The following OTOP1 variants were observed in gnomAD, a reference collection of about 807,000 sequenced individuals.
OTOP1 encodes the protein otopetrin 1.
Under a neutral mutation model 52.9 loss-of-function variants are expected in OTOP1, and 59 were observed. The observed-to-expected ratio is 1.12, with a 90% confidence interval of 0.91 to 1.39. The LOEUF (loss-of-function observed/expected upper bound fraction) is 1.39, where lower values mean the gene tolerates loss of function less well. Among genes scored for constraint, OTOP1 ranks in the 40% most tolerant of loss-of-function variants. The pLI is 0.00. For missense variants in OTOP1, 761 were observed against 800.9 expected, an observed-to-expected ratio of 0.95 and a Z score of 0.60; for synonymous variants, 317 against 337.7, an observed-to-expected ratio of 0.94 and a Z score of 0.67.
intron 3 of OTOP1, 52 bp downstream of exon 3, chr4:4,206,020 T>G: frequency 6.7e-7 from 1 of 1,495,792 alleles, no homozygotes; most frequent in Non-Finnish European, 9.3e-7. Context: ...GTTTTGAAAA[T>G]TCTAAATGAA....
At position 4,212,927 on chromosome 4, in the gene OTOP1, A is replaced by C. The variant is rs750774194; in HGVS notation, c.481T>G (p.Cys161Gly). 86 of 1,614,048 alleles carry C rather than the reference A, an allele frequency of 5.3e-5. 1 individual carries two copies. In the South Asian group the frequency reaches 9.3e-4, roughly 18 times the overall value. The part of the protein sequence containing the change: ...KIGYFIGFSE[C>G]LSATEGVFPV... ...AAAACTCCTTCAGTGGCTGATAAACATTCTGAAAATCCAATGAAGTATCCA... is the reference window on the plus strand; with the variant it reads ...AAAACTCCTTCAGTGGCTGATAAACCTTCTGAAAATCCAATGAAGTATCCA... The change falls in exon 2 of 6, where the codon TGT (cysteine) becomes GGT (glycine). Residue 161 changes from cysteine (C) to glycine (G), a missense_variant. This residue lies in a region of OTOP1 where 632 missense variants were observed against 619.5 expected (regional missense o/e 1.02). Transcript: ENST00000296358.
chr4:4,226,452 C>T lies in OTOP1; in HGVS notation c.403+10G>A, dbSNP rs1455190657. 2 of 1,465,718 alleles carry T rather than the reference C, an allele frequency of 1.4e-6. No individual in the cohort carries two copies. The highest frequency in any genetic ancestry group is 1.5e-5 in the African/African-American group (1 of 68,478). 90.8% of individuals were successfully genotyped at this position (1,465,718 alleles called of 1,614,324 possible). On this transcript the variant is annotated intron_variant, in intron 1 of 5. Coordinates refer to ENST00000296358, the MANE Select transcript of OTOP1 (RefSeq NM_177998.3). ...AGGCGGAGACCCGCTCGCCCGGCGC[C>T]TGGACTCACCGCGCAGCCAGCCGGC...
chr4:4,210,702 G>A (rs1029213735), intron 2 of OTOP1, among the ~76,000 whole-genome samples: 35 of 152,124 alleles, frequency 2.3e-4, no homozygotes, highest in African/African-American at 8.2e-4. Flanking sequence ...ATGGTGGCAG[G>A]TGTCTGTCAT....
At chr4:4,203,769 C>G (rs1349543262) in intron 3 of OTOP1, among the ~76,000 whole-genome samples, 1 of 152,210 alleles carries the variant, frequency 6.6e-6, no homozygotes, top group Non-Finnish European at 1.5e-5. Context: ...TTAAAACTTT[C>G]TATGGAATTG....
At chr4:4,223,489 T>C (rs1717348015) in intron 1 of OTOP1, among the ~76,000 whole-genome samples, 1 of 152,078 alleles carries the variant, frequency 6.6e-6, no homozygotes, top group South Asian at 2.1e-4. Flanking sequence ...AAGAGGATGA[T>C]GGTTCTAGGA....
At chr4:4,213,108 T>C in intron 1 of OTOP1, 104 bp from the exon 2 acceptor site, 1 of 1,380,386 alleles carries the variant, frequency 7.2e-7, no homozygotes, top group South Asian at 1.4e-5. Context: ...CTTATGTATA[T>C]GGTCAAATGA....
intron 5 of OTOP1, among the ~76,000 whole-genome samples, chr4:4,190,657 G>T (rs1716481491): frequency 6.6e-6 from 1 of 152,114 alleles, no homozygotes; most frequent in Non-Finnish European, 1.5e-5. Flanking sequence ...GGGAGGATGG[G>T]TAGGTTACAT....
chr4:4,205,450 G>C (rs1716881666), intron 3 of OTOP1, among the ~76,000 whole-genome samples: 1 of 152,340 alleles, frequency 6.6e-6, no homozygotes, highest in South Asian at 2.1e-4. Context: ...TACAGAAAGA[G>C]ATGTGAGTTT....
At chr4:4,223,444 T>TAGTG (rs1553853843) in intron 1 of OTOP1, among the ~76,000 whole-genome samples, 252 of 137,290 alleles carry the variant, frequency 1.8e-3, no homozygotes, top group African/African-American at 7.0e-3. Context: ...GATGGATGGA[T>TAGTG]GATGAATAAG....
rs113547794 is a variant in OTOP1, at chr4:4,209,814, G to A, written c.540+3054C>T. On this transcript the variant is annotated intron_variant, in intron 2 of 5. Transcript: ENST00000296358. Reference sequence around the variant, plus strand: ...TGACCAGAGTGCAAGCTTACAAGCCGTACACCAAACAGGGATCCAGCCTGT... The same window carrying A: ...TGACCAGAGTGCAAGCTTACAAGCCATACACCAAACAGGGATCCAGCCTGT... 6.9e-3 allele frequency among the ~76,000 whole-genome samples: 1,057 copies of A among 152,232 alleles called. 6 individuals are homozygous for A. The highest frequency in any genetic ancestry group is 0.024 in the African/African-American group (1,012 of 41,542).
chr4:4,208,865 C>A (rs781102757), intron 2 of OTOP1, among the ~76,000 whole-genome samples: 1 of 151,742 alleles, frequency 6.6e-6, no homozygotes, highest in African/African-American at 2.4e-5. Flanking sequence ...CAATCCAGAA[C>A]GCATGGAATG....
Position 4,197,808 on chromosome 4 carries a change from C to G in OTOP1, c.1026G>C (p.Lys342Asn). The stretch of plus-strand genomic sequence containing the variant: ...AGAACATGATGAGTGCCGACTCGCT[C>G]TTGGTCTTGGAGCGCCCAATATGAA... ...YLIHIGRSKT[K>N]SESALIMFYL... The change falls in exon 5 of 6, where the codon AAG (lysine) becomes AAC (asparagine). Residue 342 changes from lysine to asparagine, a missense_variant. Physicochemically the swap from Lys to Asn is moderately conservative, Grantham distance 94. Transcript: ENST00000296358. 10 of 1,614,094 alleles carry G rather than the reference C, an allele frequency of 6.2e-6. No individual in the cohort carries two copies. The highest frequency in any genetic ancestry group is 6.8e-6 in the Non-Finnish European group (8 of 1,180,028).
chr4:4,206,354 G>T (rs1315405385), intron 2 of OTOP1, among the ~76,000 whole-genome samples: 1 of 152,162 alleles, frequency 6.6e-6, no homozygotes, highest in Non-Finnish European at 1.5e-5. Context: ...GGAAGAAATG[G>T]TGCTGCAATT....
intron 1 of OTOP1, among the ~76,000 whole-genome samples, chr4:4,218,784 C>T (rs968479592): frequency 6.6e-5 from 10 of 151,662 alleles, no homozygotes; most frequent in African/African-American, 2.4e-4. Flanking sequence ...AAAACATTTG[C>T]CCAGTGTGGT....
At chr4:4,224,176 G>T (rs1410914915) in intron 1 of OTOP1, among the ~76,000 whole-genome samples, 1 of 151,760 alleles carries the variant, frequency 6.6e-6, no homozygotes, top group Non-Finnish European at 1.5e-5. Flanking sequence ...ATGAAACCCC[G>T]TCTCTACTAA....
intron 1 of OTOP1, among the ~76,000 whole-genome samples, chr4:4,221,977 ATCT>A (rs982115555): frequency 2.6e-5 from 4 of 152,066 alleles, no homozygotes; most frequent in African/African-American, 9.7e-5. Flanking sequence ...CAGAACCATC[ATCT>A]TCTTCCCTGG....
At chr4:4,192,013 T>G (rs531129758) in intron 5 of OTOP1, among the ~76,000 whole-genome samples, 3 of 152,334 alleles carry the variant, frequency 2.0e-5, no homozygotes, top group Non-Finnish European at 4.4e-5. Flanking sequence ...TTCAGTTGGC[T>G]ATAAATTCTT....
chr4:4,211,276 C>T (rs1371363690), intron 2 of OTOP1, among the ~76,000 whole-genome samples: 8 of 152,308 alleles, frequency 5.3e-5, no homozygotes, highest in African/African-American at 1.9e-4. Flanking sequence ...AGGTAGAAAA[C>T]TTTCCAAAGA....
intron 2 of OTOP1, among the ~76,000 whole-genome samples, chr4:4,210,390 T>A (rs1034625979): frequency 1.3e-5 from 2 of 152,172 alleles, no homozygotes; most frequent in Non-Finnish European, 2.9e-5. Context: ...GAATTTCTCT[T>A]CTCAGCGTCC....
Sources: allele counts gnomAD v4.1 joint callset (sites outside exome capture counted in the v4.1 genomes callset), GRCh38; gene constraint gnomAD v4.1.1; regional missense constraint gnomAD v4.1.1; transcripts MANE v1.5; gene names NCBI Gene and HGNC (gene_info 2026-07-23, HGNC 2026-07-21).